The following UBE2D1 variants were observed in gnomAD, a reference collection of about 807,000 sequenced individuals.
UBE2D1 encodes the protein ubiquitin conjugating enzyme E2 D1, also known as ubiquitin-conjugating enzyme E2 D1.
Under a neutral mutation model 24.6 loss-of-function variants are expected in UBE2D1, and 9 were observed. The observed-to-expected ratio is 0.37, with a 90% CI of 0.22 to 0.64. The LOEUF (loss-of-function observed/expected upper bound fraction) is 0.64. Ranked by LOEUF, UBE2D1 falls within the 30% of genes least tolerant of loss-of-function variation. The probability of loss-of-function intolerance (pLI) is 0.64; values close to 1 mark genes in which losing one functional copy is unlikely to be tolerated. For missense variants in UBE2D1, 87 were observed against 177.1 expected (o/e 0.49, Z 2.89); for synonymous variants, 57 against 57.6 (o/e 0.99, Z 0.04).
intron 1 of UBE2D1, among the ~76,000 whole-genome samples, chr10:58,346,277 G>C (rs1027319751): frequency 3.3e-5 from 5 of 152,142 alleles, no homozygotes; most frequent in African/African-American, 1.2e-4. Flanking sequence ...CTCCCGAAGT[G>C]CTGGGATTAC....
chr10:58,344,875 T>TG (rs1839999427), intron 1 of UBE2D1, among the ~76,000 whole-genome samples: 1 of 151,632 alleles, frequency 6.6e-6, no homozygotes, highest in Non-Finnish European at 1.5e-5. Flanking sequence ...TTGTTTTTTT[T>TG]TTTTTTAATG....
chr10:58,361,025 A>T (rs760188682), intron 1 of UBE2D1: 1 of 480,630 alleles, frequency 2.1e-6, no homozygotes, highest in Non-Finnish European at 3.9e-6. Context: ...CTGATATATT[A>T]TCAACCTAGC....
intron 1 of UBE2D1, among the ~76,000 whole-genome samples, chr10:58,356,476 G>A (rs572969249): frequency 6.6e-6 from 1 of 152,148 alleles, no homozygotes; most frequent in East Asian, 1.9e-4. Context: ...ATTTCATGAA[G>A]CCATTCTCTT....
intron 1 of UBE2D1, among the ~76,000 whole-genome samples, chr10:58,341,877 A>C (rs1839964906): frequency 6.6e-6 from 1 of 152,212 alleles, no homozygotes; most frequent in Non-Finnish European, 1.5e-5. Context: ...ACAGGAATTG[A>C]GATACTTATC....
intron 1 of UBE2D1, among the ~76,000 whole-genome samples, chr10:58,339,900 A>G (rs1217024695): frequency 6.6e-6 from 1 of 152,152 alleles, no homozygotes; most frequent in Non-Finnish European, 1.5e-5. Flanking sequence ...CTTCTCTTCC[A>G]CTTCTTAGGA....
rs551338311 is a variant in UBE2D1, at chr10:58,365,056, G to A, written c.304+180G>A. Reference sequence around the variant, plus strand: ...CTTTTGGCAGTTAGCTTTGGTTGAGGGGAGTGTGGATGGACAAATCTAAAT... The same window carrying A: ...CTTTTGGCAGTTAGCTTTGGTTGAGAGGAGTGTGGATGGACAAATCTAAAT... On this transcript the variant is annotated intron_variant, in intron 5 of 6. Coordinates refer to ENST00000373910, the MANE Select transcript of UBE2D1 (RefSeq NM_003338.5). 2.0e-5 allele frequency among the ~76,000 whole-genome samples: 3 copies of A among 152,288 alleles called. No homozygotes were observed. In the East Asian group the frequency reaches 5.8e-4, roughly 29 times the overall value.
chr10:58,344,310 T>TATTG (rs1425443233), intron 1 of UBE2D1, among the ~76,000 whole-genome samples: 2 of 152,062 alleles, frequency 1.3e-5, no homozygotes, highest in African/African-American at 4.8e-5. Flanking sequence ...TTGAGGTGAG[T>TATTG]ATTGAATTGG....
chr10:58,336,003 A>G (rs1839899958), intron 1 of UBE2D1, among the ~76,000 whole-genome samples: 3 of 152,192 alleles, frequency 2.0e-5, no homozygotes, highest in Admixed American at 2.0e-4. Context: ...AATTGTTTTG[A>G]TGCTTTGACA....
intron 1 of UBE2D1, among the ~76,000 whole-genome samples, chr10:58,341,447 T>A (rs749675897): frequency 1.3e-5 from 2 of 152,202 alleles, no homozygotes; most frequent in Non-Finnish European, 2.9e-5. Flanking sequence ...TCTTTGTAAT[T>A]AAGCTCAGTC....
chr10:58,349,863 C>T (rs1042174509), intron 1 of UBE2D1, among the ~76,000 whole-genome samples: 4 of 152,186 alleles, frequency 2.6e-5, no homozygotes, highest in Admixed American at 2.0e-4. Flanking sequence ...CCGTACATTA[C>T]TGTAGCCTGT....
chr10:58,335,011 C>G lies in UBE2D1; in HGVS notation c.-191C>G, dbSNP rs770182352. On this transcript the variant is annotated 5_prime_UTR_variant, in exon 1 of 7. Transcript: ENST00000373910. ...TCTCGCCGGCGTCCCCGCCCGCACA[C>G]TCGCGCACACTCGCGCTCGGGCGCA... 42 of 567,528 alleles carry G rather than the reference C, an allele frequency of 7.4e-5. No individual in the cohort carries two copies. The Middle Eastern group carries it at 1.8e-3, about 25-fold the overall frequency. 35.2% of individuals were successfully genotyped at this position (567,528 alleles called of 1,614,324 possible).
At chr10:58,361,281 C>A in intron 1 of UBE2D1, 57 bp from the exon 2 acceptor site, 2 of 1,550,844 alleles carry the variant, frequency 1.3e-6, no homozygotes, top group Admixed American at 3.3e-5. Context: ...TGGATCATTA[C>A]CCTTGTTTCA....
At chr10:58,345,657 A>G (rs1419876675) in intron 1 of UBE2D1, among the ~76,000 whole-genome samples, 2 of 152,226 alleles carry the variant, frequency 1.3e-5, no homozygotes, top group African/African-American at 4.8e-5. Context: ...AACAGAAAAT[A>G]CAATATATTT....
At chr10:58,352,959 C>T (rs1391366328) in intron 1 of UBE2D1, among the ~76,000 whole-genome samples, 1 of 152,110 alleles carries the variant, frequency 6.6e-6, no homozygotes, top group African/African-American at 2.4e-5. Flanking sequence ...GAAGGGGACC[C>T]TTGAGACTTA....
At chr10:58,343,239 C>G (rs1037763635) in intron 1 of UBE2D1, among the ~76,000 whole-genome samples, 6 of 152,250 alleles carry the variant, frequency 3.9e-5, no homozygotes, top group African/African-American at 1.4e-4. Flanking sequence ...GGATGCCAAA[C>G]TAAGGTGTAC....
chr10:58,337,711 T>G (rs1839917745), intron 1 of UBE2D1, among the ~76,000 whole-genome samples: 1 of 152,106 alleles, frequency 6.6e-6, no homozygotes, highest in African/African-American at 2.4e-5. Flanking sequence ...CTGTCATCAC[T>G]TCTATAAATG....
At chr10:58,362,295 C>T (rs899428371) in intron 3 of UBE2D1, among the ~76,000 whole-genome samples, 8 of 152,078 alleles carry the variant, frequency 5.3e-5, no homozygotes, top group Non-Finnish European at 1.2e-4. Flanking sequence ...AGAGCTTTAT[C>T]TAGTGAGTTA....
intron 1 of UBE2D1, among the ~76,000 whole-genome samples, chr10:58,358,082 CAT>C (rs548408699): frequency 2.5e-4 from 38 of 151,984 alleles, no homozygotes; most frequent in Non-Finnish European, 4.6e-4. Flanking sequence ...AACAGCCTGA[CAT>C]GTGAAATTTG....
At chr10:58,349,961 ATTG>A (rs1226549934) in intron 1 of UBE2D1, among the ~76,000 whole-genome samples, 3 of 152,102 alleles carry the variant, frequency 2.0e-5, no homozygotes, top group African/African-American at 7.2e-5. Flanking sequence ...ATTCATCTAT[ATTG>A]TTGCCTGGAG....
Sources: gnomAD v4.1 joint callset for allele counts (sites outside exome capture counted in the v4.1 genomes callset) on GRCh38, gnomAD v4.1.1 for gene constraint, MANE v1.5 for transcripts, NCBI Gene and HGNC (gene_info 2026-07-23, HGNC 2026-07-21) for gene names.